LHFPL3: variants seen among roughly 807,000 people sequenced by gnomAD.
LHFPL3 encodes LHFPL tetraspan subfamily member 3.
A neutral mutation model predicts 19.3 loss-of-function variants in LHFPL3; 5 were observed. That is an observed-to-expected ratio of 0.26 (90% CI 0.14 to 0.54). The LOEUF is 0.54. LHFPL3 is among the 20% of genes least tolerant of loss of function. The pLI is 0.94. For missense variants in LHFPL3, 249 were observed against 307.4 expected (o/e 0.81, Z 1.42); for synonymous variants, 133 against 126.2 (o/e 1.05, Z -0.36).
At chr7:104,844,885 G>A (rs555719275) in intron 2 of LHFPL3, among the ~76,000 whole-genome samples, 5 of 152,210 alleles carry the variant, frequency 3.3e-5, no homozygotes, top group East Asian at 1.9e-4. Flanking sequence ...GATTACAGGC[G>A]CTCACCACTA....
chr7:104,900,807 G>A (rs1584606812), intron 2 of LHFPL3, among the ~76,000 whole-genome samples: 1 of 152,196 alleles, frequency 6.6e-6, no homozygotes, highest in African/African-American at 2.4e-5. Flanking sequence ...GATTTGCAAA[G>A]AGCCCTTTGG....
chr7:104,522,412 G>GA (rs1281826332), intron 1 of LHFPL3, among the ~76,000 whole-genome samples: 45 of 119,350 alleles, frequency 3.8e-4, no homozygotes, highest in Non-Finnish European at 7.2e-4. Context: ...GGGGAGGGAT[G>GA]GATTGGGAGA....
In LHFPL3 at chr7:104,906,450, T is replaced by C. The variant is rs1023394427; in HGVS notation, c.*235T>C. 16 of 531,222 alleles carry C rather than the reference T, an allele frequency of 3.0e-5. No homozygotes were observed. Among genetic ancestry groups the C allele is most frequent in the African/African-American group, 2.1e-4 (11 of 52,100 alleles). The allele number at this position is 531,222 out of a possible 1,614,324, so 32.9% of individuals were successfully genotyped here. A position where few individuals can be genotyped will look rare whatever the true frequency, so the allele number is the denominator to read the frequency against. ...TGATCATGGATTAAACACCAGCTCATTGGAAACTCATTGGATGAGATCAGA... is the reference window on the plus strand; with the variant it reads ...TGATCATGGATTAAACACCAGCTCACTGGAAACTCATTGGATGAGATCAGA... On this transcript the variant is annotated 3_prime_UTR_variant, in exon 3 of 3. Coordinates refer to ENST00000424859, the MANE Select transcript of LHFPL3 (RefSeq NM_199000.3).
In LHFPL3 at chr7:104,341,324, G is replaced by A. The variant is rs190901559; in HGVS notation, c.445+12100G>A. On this transcript the variant is annotated intron_variant, in intron 1 of 2. Coordinates refer to ENST00000424859, the MANE Select transcript of LHFPL3 (RefSeq NM_199000.3). ...TAGCTTTTCTAAAGAAAGTAAAAAA[G>A]CAGCAACAACATTGCTTCTTATAAA... Among the ~76,000 whole-genome samples the A allele has an allele frequency of 1.1e-3, 162 of 152,190 alleles. 3 individuals are homozygous for A. The East Asian group carries it at 0.027, about 25-fold the overall frequency.
chr7:104,904,565 C>T (rs1218990539), intron 2 of LHFPL3, among the ~76,000 whole-genome samples: 1 of 152,130 alleles, frequency 6.6e-6, no homozygotes, highest in Admixed American at 6.5e-5. Context: ...GCAGGAGAAT[C>T]GCTTGAACCT....
At chr7:104,785,332 A>C (rs1049135885) in intron 2 of LHFPL3, 5 of 152,206 alleles carry the variant, frequency 3.3e-5, no homozygotes, top group African/African-American at 1.2e-4. Context: ...GGTGCAGTTG[A>C]CTGTCGTTCA....
intron 1 of LHFPL3, among the ~76,000 whole-genome samples, chr7:104,506,941 C>A (rs1249558307): frequency 3.9e-5 from 6 of 152,174 alleles, no homozygotes; most frequent in Non-Finnish European, 7.3e-5. Context: ...AAGTAGCTGA[C>A]TAATTCACAA....
At chr7:104,435,474 A>T (rs1477762232) in intron 1 of LHFPL3, among the ~76,000 whole-genome samples, 2 of 151,042 alleles carry the variant, frequency 1.3e-5, no homozygotes. Context: ...TATTTTATAA[A>T]TTTTTTTATA....
At chr7:104,502,386 A>G (rs1000321069) in intron 1 of LHFPL3, among the ~76,000 whole-genome samples, 9 of 151,492 alleles carry the variant, frequency 5.9e-5, no homozygotes, top group South Asian at 2.1e-4. Context: ...TTTAAGAAGC[A>G]TAAAGCTATT....
intron 2 of LHFPL3, among the ~76,000 whole-genome samples, chr7:104,795,977 T>C (rs1488115503): frequency 1.3e-5 from 2 of 151,996 alleles, no homozygotes; most frequent in African/African-American, 4.8e-5. Flanking sequence ...AATATGGATC[T>C]AAAAGCCCAC....
At chr7:104,373,199 G>A (rs1005265173) in intron 1 of LHFPL3, among the ~76,000 whole-genome samples, 3 of 152,144 alleles carry the variant, frequency 2.0e-5, no homozygotes, top group Non-Finnish European at 4.4e-5. Context: ...ATGTAATAAT[G>A]TATCCCTTTG....
intron 1 of LHFPL3, among the ~76,000 whole-genome samples, chr7:104,589,399 T>G (rs1454565588): frequency 6.6e-6 from 1 of 152,242 alleles, no homozygotes; most frequent in Non-Finnish European, 1.5e-5. Flanking sequence ...GCTCTGTTTA[T>G]ATGATGGATT....
chr7:104,464,197 G>A (rs12705215), intron 1 of LHFPL3, among the ~76,000 whole-genome samples: 196 of 152,274 alleles, frequency 1.3e-3, no homozygotes, highest in Non-Finnish European at 1.7e-3. Context: ...TTGACTCCTT[G>A]TCTCACGCCC....
At chr7:104,523,993 G>C (rs1373047894) in intron 1 of LHFPL3, among the ~76,000 whole-genome samples, 1 of 152,088 alleles carries the variant, frequency 6.6e-6, no homozygotes, top group Non-Finnish European at 1.5e-5. Context: ...TCTGTAAACA[G>C]GTGTTTAGGA....
intron 1 of LHFPL3, among the ~76,000 whole-genome samples, chr7:104,658,813 C>T (rs1296833897): frequency 1.3e-5 from 2 of 152,126 alleles, no homozygotes; most frequent in Non-Finnish European, 2.9e-5. Context: ...AAAAACAAGT[C>T]ATCTCCTTGG....
chr7:104,454,967 G>A (rs1792511859), intron 1 of LHFPL3, among the ~76,000 whole-genome samples: 1 of 152,188 alleles, frequency 6.6e-6, no homozygotes, highest in African/African-American at 2.4e-5. Context: ...GAAATGAGGT[G>A]TATAGCCTGC....
At chr7:104,699,588 T>C (rs1397633371) in intron 1 of LHFPL3, among the ~76,000 whole-genome samples, 1 of 152,138 alleles carries the variant, frequency 6.6e-6, no homozygotes, top group African/African-American at 2.4e-5. Flanking sequence ...GAGCTTCAGT[T>C]GGGGAAGATG....
Position 104,388,414 on chromosome 7 carries a change from G to A in LHFPL3, c.445+59190G>A, listed in dbSNP as rs371470670. Among the ~76,000 whole-genome samples, 5 of 151,926 alleles carry A rather than the reference G, an allele frequency of 3.3e-5. No individual in the cohort carries two copies. The East Asian group carries it at 9.7e-4, about 29-fold the overall frequency. On this transcript the variant is annotated intron_variant, in intron 1 of 2. Transcript: ENST00000424859. ...GGGATCCTCAATAAGACATACAGCT[G>A]ACTTTTCACCAGAAATTGTTAAGTC...
At chr7:104,463,272 G>C (rs1469395026) in intron 1 of LHFPL3, among the ~76,000 whole-genome samples, 3 of 152,076 alleles carry the variant, frequency 2.0e-5, no homozygotes, top group East Asian at 1.9e-4. Flanking sequence ...CTTGTCTTCT[G>C]CTAGCTTTAG....
Sources: gnomAD v4.1 joint callset for allele counts (sites outside exome capture counted in the v4.1 genomes callset) on GRCh38, gnomAD v4.1.1 for gene constraint, MANE v1.5 for transcripts, NCBI Gene and HGNC (gene_info 2026-07-23, HGNC 2026-07-21) for gene names.